The following CAMKK2 variants were observed in gnomAD, a reference collection of about 807,000 sequenced individuals.
The protein encoded by CAMKK2 is calcium/calmodulin dependent protein kinase kinase 2.
A neutral mutation model predicts 67.2 loss-of-function variants in CAMKK2; 30 were observed. The observed-to-expected ratio is 0.45, with a 90% CI of 0.33 to 0.61. The LOEUF (loss-of-function observed/expected upper bound fraction) is 0.61, where lower values mean the gene tolerates loss of function less well. Ranked by LOEUF, CAMKK2 falls within the 20% of genes least tolerant of loss-of-function variation. CAMKK2 has a pLI of 0.02. For synonymous variants in CAMKK2, 322 were observed against 326.2 expected (o/e 0.99, Z 0.14); for missense variants, 643 against 802.0 (o/e 0.80, Z 2.39).
At position 121,266,430 on chromosome 12, in the gene CAMKK2, A is replaced by T. The variant is rs111857586; in HGVS notation, c.625+2208T>A. 2.2e-3 allele frequency among the ~76,000 whole-genome samples: 334 copies of T among 152,194 alleles called. 1 individual carries two copies. The highest frequency in any genetic ancestry group is 7.6e-3 in the African/African-American group (314 of 41,496). On this transcript the variant is annotated intron_variant, in intron 5 of 16. Coordinates refer to ENST00000404169, the MANE Select transcript of CAMKK2 (RefSeq NM_001270485.2). ...CAGATGTCAAAAATTGATAATAGTG[A>T]CGTGAGGATTATGACCTGGTGCAGC... is the stretch of plus-strand genomic sequence containing the variant.
chr12:121,275,156 CCTGA>C lies in CAMKK2; in HGVS notation c.-59-575_-59-572del, dbSNP rs527364925. Among the ~76,000 whole-genome samples, 588 of 152,134 alleles carry C rather than the reference CCTGA, an allele frequency of 3.9e-3. 6 individuals are homozygous for C. Among genetic ancestry groups the C allele is most frequent in the Middle Eastern group, 0.017 (5 of 294 alleles). ...AGCCCTAAGGAGGTTAATAAGTTTG[CCTGA>C]CTTTTTATTTTTAAATGCTGGGCAT... On this transcript the variant is annotated intron_variant, in intron 1 of 16. Transcript: ENST00000404169.
chr12:121,249,390 G>A (rs959827222), intron 13 of CAMKK2, among the ~76,000 whole-genome samples: 5 of 152,220 alleles, frequency 3.3e-5, no homozygotes, highest in African/African-American at 1.2e-4. Flanking sequence ...GGATTCAGCA[G>A]GCTGGGGAGG....
At chr12:121,241,495 T>C (rs1466786641) in intron 16 of CAMKK2, among the ~76,000 whole-genome samples, 1 of 152,218 alleles carries the variant, frequency 6.6e-6, no homozygotes, top group African/African-American at 2.4e-5. Context: ...AGAGCCCTTG[T>C]TTCCCTGAAG....
intron 5 of CAMKK2, among the ~76,000 whole-genome samples, chr12:121,267,023 T>C (rs1331270371): frequency 6.3e-4 from 2 of 3,174 alleles, no homozygotes; most frequent in Non-Finnish European, 6.8e-4. Context: ...TGCTCTGGCC[T>C]TTTTTTTTTT....
Position 121,291,064 on chromosome 12 carries a change from C to G in CAMKK2, c.-60+5574G>C, listed in dbSNP as rs185624945. On this transcript the variant is annotated intron_variant, in intron 1 of 16. Coordinates refer to ENST00000404169, the MANE Select transcript of CAMKK2 (RefSeq NM_001270485.2). ...TGAACTCCTGACCTTAAGTGATCCA[C>G]CCGCCTTGGCCTCCCAAAGTGCTGG... Among the ~76,000 whole-genome samples, 1,041 of 140,250 alleles carry G rather than the reference C, an allele frequency of 7.4e-3. 15 individuals are homozygous for G. Among genetic ancestry groups the G allele is most frequent in the South Asian group, 0.043 (177 of 4,150 alleles). 92.0% of individuals were successfully genotyped at this position (140,250 alleles called of 152,430 possible). A position where few individuals can be genotyped will look rare whatever the true frequency, so the allele number is the denominator to read the frequency against.
At position 121,267,885 on chromosome 12, in the gene CAMKK2, G is replaced by A. The variant is rs549667623; in HGVS notation, c.625+753C>T. On this transcript the variant is annotated intron_variant, in intron 5 of 16. Transcript: ENST00000404169. ...CCCCTCATTTCCCCTGTTCCCCAGA[G>A]CCCCCAGCAATCACAAATCTACTTT... Among the ~76,000 whole-genome samples, 37 of 151,778 alleles carry A rather than the reference G, an allele frequency of 2.4e-4. No homozygotes were observed. The South Asian group carries it at 2.7e-3, about 11-fold the overall frequency.
chr12:121,274,805 C>CTTTTTTTTTTTT (rs140150523), intron 1 of CAMKK2, among the ~76,000 whole-genome samples: 6 of 132,916 alleles, frequency 4.5e-5, no homozygotes, highest in African/African-American at 1.1e-4. Context: ...CTTTTTTTTT[C>CTTTTTTTTTTTT]TTTTTTTTTT....
In CAMKK2 at chr12:121,274,396, C is replaced by T. The variant is rs146298458; in HGVS notation, c.131G>A (p.Ser44Asn). Residue 44 changes from serine (S) to asparagine (N), a missense_variant, in exon 2 of 17, where the codon AGC becomes AAC. Ser to Asn is a conservative substitution (Grantham distance 46, BLOSUM62 1). Around this residue, in one of 3 missense-constraint regions of CAMKK2, gnomAD observed 483 missense variants for 625.8 expected, o/e 0.77. Coordinates refer to ENST00000404169, the MANE Select transcript of CAMKK2 (RefSeq NM_001270485.2). ...GAAGGACTCCATGCCCAGGTGGATG[C>T]TCAAGGATGAGAGGCCCCGCAGGGC... Reference protein sequence around the residue: ...CEALRGLSSLSIHLGMESFIV... With the variant: ...CEALRGLSSLNIHLGMESFIV... 1.2e-6 allele frequency: 2 copies of T among 1,613,338 alleles called. No homozygotes were observed. The highest frequency in any genetic ancestry group is 2.7e-5 in the African/African-American group (2 of 74,948).
At chr12:121,255,727 G>A (rs1260616642) in intron 8 of CAMKK2, 56 bp downstream of exon 8, 13 of 1,608,900 alleles carry the variant, frequency 8.1e-6, no homozygotes, top group Non-Finnish European at 1.1e-5. Context: ...ACCTCACTCA[G>A]CTATGCAGCT....
At position 121,274,092 on chromosome 12, in the gene CAMKK2, T is replaced by C. The variant is rs200549483; in HGVS notation, c.435A>G (p.Thr145=). Residue 145 remains threonine, a synonymous_variant, in exon 2 of 17, where the codon ACA becomes ACG. Transcript: ENST00000404169. ...QSSPRLPRRP[T]VESHHVSITG... is the part of the protein sequence containing the mutation. The stretch of plus-strand genomic sequence containing the variant: ...TGATGGAGACGTGGTGAGACTCCAC[T>C]GTCGGCCGCCGGGGCAGCCGAGGCG... 458 of 1,528,422 alleles carry C rather than the reference T, an allele frequency of 3.0e-4. 6 individuals carry two copies. The South Asian group carries it at 5.6e-3, about 19-fold the overall frequency. The allele number at this position is 1,528,422 out of a possible 1,614,324, so 94.7% of individuals were successfully genotyped here.
At chr12:121,255,234 T>G (rs201628352) in intron 9 of CAMKK2, among the ~76,000 whole-genome samples, 141 of 5,006 alleles carry the variant, frequency 0.028, 12 homozygotes, top group African/African-American at 0.1. Flanking sequence ...ATATATATAA[T>G]TTTATATATA....
intron 11 of CAMKK2, among the ~76,000 whole-genome samples, chr12:121,252,068 G>A (rs887457542): frequency 6.6e-6 from 1 of 152,012 alleles, no homozygotes; most frequent in East Asian, 1.9e-4. Flanking sequence ...TCTGCCTTGG[G>A]CTCAGAAATG....
chr12:121,258,374 C>A lies in CAMKK2; in HGVS notation c.796+1945G>T, dbSNP rs150524987. 1.9e-4 allele frequency among the ~76,000 whole-genome samples: 29 copies of A among 152,124 alleles called. No individual in the cohort carries two copies. In the South Asian group the frequency reaches 2.7e-3, roughly 14 times the overall value. ...TTGAGACAGGGTCTTACTCTGTCGC[C>A]CAGGCTAGAGTGCAGTGGCACAATC... On this transcript the variant is annotated intron_variant, in intron 7 of 16. Transcript: ENST00000404169.
intron 9 of CAMKK2, among the ~76,000 whole-genome samples, chr12:121,255,329 AT>A (rs1491300441): frequency 4.2e-4 from 5 of 11,886 alleles, no homozygotes; most frequent in Non-Finnish European, 4.6e-4. Context: ...TATATATATA[AT>A]TATATATAAT....
rs112872945 is a variant in CAMKK2, at chr12:121,250,746, C to T, written c.1162-712G>A. 4.8e-3 allele frequency among the ~76,000 whole-genome samples: 727 copies of T among 152,324 alleles called. 10 individuals carry two copies. The highest frequency in any genetic ancestry group is 0.017 in the African/African-American group (688 of 41,574). ...GGATTTCTGGCTGTCTTGCTCACTG[C>T]GGACTCTCCGTGCCTAGGAGCGTTC... On this transcript the variant is annotated intron_variant, in intron 11 of 16. Coordinates refer to ENST00000404169, the MANE Select transcript of CAMKK2 (RefSeq NM_001270485.2).
chr12:121,297,695 G>C (rs201225468), upstream of CAMKK2: 84 of 517,872 alleles, frequency 1.6e-4, no homozygotes, highest in Non-Finnish European at 1.7e-4. Context: ...AGCCAAAAGG[G>C]AATCGAGTTG....
intron 6 of CAMKK2, among the ~76,000 whole-genome samples, chr12:121,263,252 TCTGG>T (rs1401223756): frequency 1.1e-5 from 1 of 88,740 alleles, no homozygotes; most frequent in African/African-American, 8.4e-5. Flanking sequence ...CAGCCCTCTG[TCTGG>T]TTTGTTTGTT....
At chr12:121,273,963 T>G in intron 2 of CAMKK2, 93 bp downstream of exon 2, 3 of 1,041,184 alleles carry the variant, frequency 2.9e-6, no homozygotes, top group Non-Finnish European at 2.7e-6. Flanking sequence ...CTCAGATCCT[T>G]CTGGGGGAGC....
At chr12:121,272,871 TCAA>T (rs762949319) in intron 2 of CAMKK2, among the ~76,000 whole-genome samples, 4 of 151,990 alleles carry the variant, frequency 2.6e-5, no homozygotes, top group Non-Finnish European at 5.9e-5. Context: ...ACCCTCTGTC[TCAA>T]CAACAACAAC....
Sources: gnomAD v4.1 joint callset for allele counts (sites outside exome capture counted in the v4.1 genomes callset) on GRCh38, gnomAD v4.1.1 for gene constraint, gnomAD v4.1.1 regional missense constraint, MANE v1.5 for transcripts, NCBI Gene and HGNC (gene_info 2026-07-23, HGNC 2026-07-21) for gene names.